Variants in CENPP observed in about 807,000 individuals in gnomAD.
CENPP encodes centromere protein P.
CENPP carries 24 observed loss-of-function variants against 35.6 expected under a neutral mutation model. That is an observed-to-expected ratio of 0.67 (90% CI 0.49 to 0.95). CENPP has a LOEUF of 0.95. CENPP is among the 40% of genes least tolerant of loss of function. CENPP has a pLI of 0.00. For synonymous variants in CENPP, 120 were observed against 125.5 expected (o/e 0.96, Z 0.29); for missense variants, 332 against 345.3 (o/e 0.96, Z 0.31).
intron 5 of CENPP, among the ~76,000 whole-genome samples, chr9:92,395,053 G>A (rs1842839239): frequency 6.6e-6 from 1 of 151,960 alleles, no homozygotes; most frequent in South Asian, 2.1e-4. Context: ...GTGGTTAGCT[G>A]ACTTACAATT....
At chr9:92,537,970 A>G (rs1051328869) in intron 5 of CENPP, among the ~76,000 whole-genome samples, 2 of 152,034 alleles carry the variant, frequency 1.3e-5, no homozygotes, top group South Asian at 2.1e-4. Context: ...TTTTTGGGGG[A>G]AAAAAATGTT....
At chr9:92,547,583 T>TTTCA (rs1849498609) in intron 5 of CENPP, among the ~76,000 whole-genome samples, 1 of 152,338 alleles carries the variant, frequency 6.6e-6, no homozygotes, top group South Asian at 2.1e-4. Context: ...TATTGAATGA[T>TTTCA]TTCATTCGTA....
chr9:92,363,229 A>G (rs1238343965), intron 4 of CENPP, among the ~76,000 whole-genome samples: 1 of 38,840 alleles, frequency 2.6e-5, no homozygotes, highest in Non-Finnish European at 5.4e-5. Context: ...GTATTTATAC[A>G]TATATACACA....
At chr9:92,341,411 T>G (rs919866820) in intron 3 of CENPP, among the ~76,000 whole-genome samples, 2 of 152,174 alleles carry the variant, frequency 1.3e-5, no homozygotes, top group African/African-American at 2.4e-5. Flanking sequence ...AACTTGCTGG[T>G]TTTTGTGGCT....
At chr9:92,352,538 T>TATATATATATATATATATATAA (rs1464334295) in intron 4 of CENPP, among the ~76,000 whole-genome samples, 6 of 114,414 alleles carry the variant, frequency 5.2e-5, no homozygotes, top group Non-Finnish European at 8.6e-5. Flanking sequence ...TATATATATA[T>TATATATATATATATATATATAA]AATATAACGG....
chr9:92,345,864 C>G, intron 4 of CENPP, 77 bp downstream of exon 4: 1 of 820,264 alleles, frequency 1.2e-6, no homozygotes, highest in Non-Finnish European at 2.0e-6. Flanking sequence ...TTACCTTTTC[C>G]TCTTCTTAGT....
chr9:92,464,849 T>C (rs757310340), intron 5 of CENPP: 6 of 1,113,196 alleles, frequency 5.4e-6, no homozygotes, highest in Non-Finnish European at 8.3e-6. Context: ...CAGTTTACAA[T>C]ATTAGATTGA....
chr9:92,337,676 G>A, intron 3 of CENPP, 47 bp downstream of exon 3: 1 of 1,172,646 alleles, frequency 8.5e-7, no homozygotes, highest in Non-Finnish European at 1.3e-6. Context: ...TCTGCTATGA[G>A]ATAAACAATT....
chr9:92,516,293 G>A (rs1479757167), intron 5 of CENPP, among the ~76,000 whole-genome samples: 1 of 152,124 alleles, frequency 6.6e-6, no homozygotes, highest in Non-Finnish European at 1.5e-5. Flanking sequence ...TCGAACACCT[G>A]ACCTTGTGAT....
chr9:92,365,947 A>G (rs1039326605), intron 4 of CENPP, among the ~76,000 whole-genome samples: 25 of 151,680 alleles, frequency 1.6e-4, no homozygotes, highest in Admixed American at 5.9e-4. Flanking sequence ...TTGGGAGGCC[A>G]AGGCGGGCGG....
At chr9:92,373,197 A>C (rs1386221718) in intron 4 of CENPP, among the ~76,000 whole-genome samples, 2 of 151,762 alleles carry the variant, frequency 1.3e-5, no homozygotes, top group Non-Finnish European at 2.9e-5. Context: ...CTGAGATGGG[A>C]GGATGGCTTG....
intron 5 of CENPP, among the ~76,000 whole-genome samples, chr9:92,446,998 G>T (rs1844568889): frequency 6.6e-6 from 1 of 151,974 alleles, no homozygotes; most frequent in African/African-American, 2.4e-5. Flanking sequence ...GTAGCTACCT[G>T]TGGGGACATC....
intron 5 of CENPP, chr9:92,500,826 C>A (rs778464812): frequency 6.2e-7 from 1 of 1,614,194 alleles, no homozygotes; most frequent in Non-Finnish European, 8.5e-7. Context: ...AAATAATTCT[C>A]TCAGAGAATG....
intron 5 of CENPP, among the ~76,000 whole-genome samples, chr9:92,402,849 G>A (rs561537104): frequency 6.6e-6 from 1 of 152,232 alleles, no homozygotes; most frequent in East Asian, 1.9e-4. Flanking sequence ...ACCTTAAGCT[G>A]ATAATTCATC....
At chr9:92,468,107 A>G (rs1397300661) in intron 5 of CENPP, among the ~76,000 whole-genome samples, 1 of 152,224 alleles carries the variant, frequency 6.6e-6, no homozygotes, top group Non-Finnish European at 1.5e-5. Flanking sequence ...AGTGAGGGTT[A>G]GAGAGGCCCC....
In CENPP at chr9:92,448,605, G is replaced by C. The variant is rs772748345; in HGVS notation, c.564+68746G>C. Among the ~76,000 whole-genome samples, 3 of 152,052 alleles carry C rather than the reference G, an allele frequency of 2.0e-5. 1 individual carries two copies. Among genetic ancestry groups the C allele is most frequent in the South Asian group, 2.1e-4 (1 of 4,816 alleles). ...TGAAATCCTATGATTTCATCTCTAG[G>C]GGGGTGTAAGCCGTTCTCCTGTGGG... On this transcript the variant is annotated intron_variant, in intron 5 of 7. Coordinates refer to ENST00000375587, the MANE Select transcript of CENPP (RefSeq NM_001012267.3).
intron 5 of CENPP, chr9:92,522,560 A>C (rs760163313): frequency 6.3e-7 from 1 of 1,590,496 alleles, no homozygotes; most frequent in African/African-American, 1.3e-5. Flanking sequence ...TCTCTCTCTC[A>C]TAGTGTTCTC....
At chr9:92,433,856 C>T (rs932092201) in intron 5 of CENPP, among the ~76,000 whole-genome samples, 5 of 151,900 alleles carry the variant, frequency 3.3e-5, no homozygotes, top group South Asian at 2.1e-4. Flanking sequence ...CGCTTGAACC[C>T]GGGAGGCAGA....
intron 5 of CENPP, among the ~76,000 whole-genome samples, chr9:92,412,352 A>C (rs948033488): frequency 5.9e-5 from 9 of 152,168 alleles, no homozygotes; most frequent in Admixed American, 2.0e-4. Flanking sequence ...CTTCCAGAGC[A>C]CTAGGATTAC....
Sources: gnomAD v4.1 joint callset for allele counts (sites outside exome capture counted in the v4.1 genomes callset) on GRCh38, gnomAD v4.1.1 for gene constraint, MANE v1.5 for transcripts, NCBI Gene and HGNC (gene_info 2026-07-23, HGNC 2026-07-21) for gene names.